Variants in KLHL1 observed in about 807,000 individuals in gnomAD.
KLHL1 encodes the protein kelch-like protein 1.
In KLHL1, 47 loss-of-function variants were observed where a neutral mutation model predicts 77.7. That is an observed-to-expected ratio of 0.60 (90% CI 0.48 to 0.77). The LOEUF (loss-of-function observed/expected upper bound fraction) is 0.77, where lower values mean the gene tolerates loss of function less well. Ranked by LOEUF, KLHL1 falls within the 30% of genes least tolerant of loss-of-function variation. KLHL1 has a pLI of 0.00. For missense variants in KLHL1, 925 were observed against 910.8 expected (o/e 1.02, Z -0.20); for synonymous variants, 360 against 325.2 (o/e 1.11, Z -1.15).
At chr13:70,094,113 T>C (rs1010009469) in intron 1 of KLHL1, among the ~76,000 whole-genome samples, 9 of 152,192 alleles carry the variant, frequency 5.9e-5, no homozygotes, top group Middle Eastern at 3.4e-3. Context: ...AGATATTATG[T>C]GAAAAGTACC....
chr13:69,943,051 C>T (rs926955714), intron 3 of KLHL1, among the ~76,000 whole-genome samples: 4 of 151,984 alleles, frequency 2.6e-5, no homozygotes, highest in South Asian at 2.1e-4. Flanking sequence ...TCCTTTTGGA[C>T]TTATATTATT....
chr13:69,917,843 C>G (rs1228476499), intron 4 of KLHL1, among the ~76,000 whole-genome samples: 1 of 152,048 alleles, frequency 6.6e-6, no homozygotes, highest in Non-Finnish European at 1.5e-5. Context: ...CCACAAAACA[C>G]TGTATTTTCA....
chr13:69,931,091 G>A (rs1224648722), intron 4 of KLHL1, among the ~76,000 whole-genome samples: 2 of 151,470 alleles, frequency 1.3e-5, no homozygotes, highest in Non-Finnish European at 3.0e-5. Context: ...TTTATAAAAT[G>A]ATAATTCACT....
intron 4 of KLHL1, among the ~76,000 whole-genome samples, chr13:69,919,847 A>G (rs917374852): frequency 2.6e-5 from 4 of 152,202 alleles, no homozygotes; most frequent in Non-Finnish European, 5.9e-5. Flanking sequence ...TATTTATTTC[A>G]GTTCTGACTA....
chr13:69,744,317 A>T (rs1336374993), intron 7 of KLHL1, among the ~76,000 whole-genome samples: 1 of 152,016 alleles, frequency 6.6e-6, no homozygotes, highest in East Asian at 1.9e-4. Flanking sequence ...TGGCTTTCAT[A>T]TTTCTGACCA....
intron 6 of KLHL1, among the ~76,000 whole-genome samples, chr13:69,801,210 C>T (rs1299079468): frequency 2.0e-5 from 3 of 152,136 alleles, no homozygotes; most frequent in Non-Finnish European, 2.9e-5. Context: ...AGAATGACCA[C>T]TCTACTGAAA....
At chr13:69,793,508 T>TG (rs397798632) in intron 7 of KLHL1, among the ~76,000 whole-genome samples, 3 of 151,588 alleles carry the variant, frequency 2.0e-5, no homozygotes, top group African/African-American at 4.8e-5. Flanking sequence ...GTTTTTTTTT[T>TG]ACATAAATCA....
chr13:70,027,415 A>G (rs1169276843), intron 1 of KLHL1, among the ~76,000 whole-genome samples: 1 of 151,896 alleles, frequency 6.6e-6, no homozygotes, highest in Non-Finnish European at 1.5e-5. Flanking sequence ...CATGAGTCCC[A>G]ACACAGCTTA....
chr13:70,067,777 G>C (rs1303841053), intron 1 of KLHL1, among the ~76,000 whole-genome samples: 2 of 152,102 alleles, frequency 1.3e-5, no homozygotes, highest in Non-Finnish European at 2.9e-5. Flanking sequence ...AGACCAGTGA[G>C]AGCCACCATC....
In KLHL1 at chr13:69,816,043, C is replaced by T. The variant is rs909735108; in HGVS notation, c.1415-19081G>A. Among the ~76,000 whole-genome samples the T allele has an allele frequency of 3.3e-5, 5 of 151,598 alleles. No individual in the cohort carries two copies. The East Asian group carries it at 7.7e-4, about 23-fold the overall frequency. Reference sequence around the variant, plus strand: ...ATAAAAAAAATGCTAATTACATAAGCAGGCAATTAATGTGAATGCAATAGG... The same window carrying T: ...ATAAAAAAAATGCTAATTACATAAGTAGGCAATTAATGTGAATGCAATAGG... On this transcript the variant is annotated intron_variant, in intron 6 of 10. Coordinates refer to ENST00000377844, the MANE Select transcript of KLHL1 (RefSeq NM_020866.3).
intron 7 of KLHL1, among the ~76,000 whole-genome samples, chr13:69,788,330 CATA>C (rs1876670490): frequency 6.6e-6 from 1 of 152,090 alleles, no homozygotes; most frequent in Non-Finnish European, 1.5e-5. Context: ...ACTATGCAGC[CATA>C]AAAAATAAAG....
chr13:69,988,024 C>T (rs184374265), intron 1 of KLHL1, among the ~76,000 whole-genome samples: 142 of 151,662 alleles, frequency 9.4e-4, no homozygotes, highest in Non-Finnish European at 1.6e-3. Context: ...ACTCATGACT[C>T]GAGGGTTTTG....
chr13:70,087,375 A>G (rs560542353), intron 1 of KLHL1, among the ~76,000 whole-genome samples: 28 of 152,284 alleles, frequency 1.8e-4, no homozygotes, highest in African/African-American at 6.5e-4. Flanking sequence ...GGGCAGGCTG[A>G]GGCATGCAAA....
chr13:69,785,885 G>C (rs1219971248), intron 7 of KLHL1, among the ~76,000 whole-genome samples: 1 of 152,130 alleles, frequency 6.6e-6, no homozygotes, highest in African/African-American at 2.4e-5. Context: ...ACACATCTAC[G>C]CAAATGAACT....
chr13:70,004,982 G>C (rs1318631673), intron 1 of KLHL1, among the ~76,000 whole-genome samples: 1 of 151,438 alleles, frequency 6.6e-6, no homozygotes, highest in Non-Finnish European at 1.5e-5. Context: ...AGAAAGTAAA[G>C]CCAGTTAATG....
intron 3 of KLHL1, among the ~76,000 whole-genome samples, chr13:69,947,085 T>C (rs1362587412): frequency 6.8e-6 from 1 of 147,874 alleles, no homozygotes; most frequent in African/African-American, 2.5e-5. Flanking sequence ...AAGATCTTCT[T>C]CCTATTCCGT....
chr13:70,000,166 TTA>T (rs1885252246), intron 1 of KLHL1, among the ~76,000 whole-genome samples: 1 of 151,684 alleles, frequency 6.6e-6, no homozygotes, highest in African/African-American at 2.4e-5. Flanking sequence ...AGACATGAAA[TTA>T]TAAAAAGGGA....
chr13:69,837,679 T>TACACATATATACAC (rs1566309211), intron 6 of KLHL1, among the ~76,000 whole-genome samples: 2 of 143,414 alleles, frequency 1.4e-5, no homozygotes, highest in African/African-American at 5.4e-5. Context: ...TGTATATATA[T>TACACATATATACAC]ATATATATAC....
At chr13:69,815,468 C>G (rs1162018138) in intron 6 of KLHL1, among the ~76,000 whole-genome samples, 1 of 152,166 alleles carries the variant, frequency 6.6e-6, no homozygotes, top group Non-Finnish European at 1.5e-5. Context: ...AAACCAAATA[C>G]CACATGTTCT....
Sources: gnomAD v4.1 joint callset for allele counts (sites outside exome capture counted in the v4.1 genomes callset) on GRCh38, gnomAD v4.1.1 for gene constraint, MANE v1.5 for transcripts, NCBI Gene and HGNC (gene_info 2026-07-23, HGNC 2026-07-21) for gene names.